DSCAML1: variants seen among roughly 807,000 people sequenced by gnomAD.
DSCAML1 encodes DS cell adhesion molecule like 1.
Under a neutral mutation model 200.5 loss-of-function variants are expected in DSCAML1, and 38 were observed. The observed-to-expected ratio is 0.19, with a 90% CI of 0.15 to 0.25. The LOEUF (loss-of-function observed/expected upper bound fraction) is 0.25, where lower values mean the gene tolerates loss of function less well. DSCAML1 is among the 10% of genes least tolerant of loss of function. The pLI is 1.00. For missense variants in DSCAML1, 2,223 were observed against 2,858.8 expected (o/e 0.78, Z 5.07); for synonymous variants, 1,215 against 1,165.0 (o/e 1.04, Z -0.87).
intron 3 of DSCAML1, among the ~76,000 whole-genome samples, chr11:117,714,907 A>G (rs1228153257): frequency 6.7e-6 from 1 of 149,708 alleles, no homozygotes; most frequent in Admixed American, 6.7e-5. Flanking sequence ...AGGAGGCCCC[A>G]GGCCCCAGCC....
chr11:117,780,663 TC>T lies in DSCAML1; in HGVS notation c.193del (p.Asp65ThrfsTer154). ...GATGTGCGGCACGTCGTAGATGTCG[TC>T]CCCTGTGGCCAGGTACCATCGAAGG... ...AALRWYLATG[D>X]DIYDVPHIRH... is the part of the protein sequence containing the mutation. On this transcript the variant is annotated frameshift_variant, in exon 2 of 33. Transcript: ENST00000651296. LOFTEE classifies it high-confidence loss of function. This position sits in a 1 kb window ranked among gnomAD's most constrained non-coding sequence, Gnocchi z 4.8. 1 of 1,592,330 alleles carries T rather than the reference TC, an allele frequency of 6.3e-7. No individual in the cohort carries two copies. Among genetic ancestry groups the T allele is most frequent in the Admixed American group, 1.8e-5 (1 of 56,880 alleles).
intron 3 of DSCAML1, among the ~76,000 whole-genome samples, chr11:117,744,351 A>C (rs1297074344): frequency 6.6e-6 from 1 of 152,256 alleles, no homozygotes; most frequent in East Asian, 1.9e-4. Context: ...TAGTGCCTCC[A>C]CGACACTTGT....
At chr11:117,799,131 C>G (rs2055633149), upstream of DSCAML1, among the ~76,000 whole-genome samples, 1 of 152,212 alleles carries the variant, frequency 6.6e-6, no homozygotes, top group South Asian at 2.1e-4. Flanking sequence ...AGTCTTCTGT[C>G]TTAGCTCCCA....
chr11:117,518,827 C>T lies in DSCAML1; in HGVS notation c.1214-65G>A. 6.6e-7 allele frequency: 1 copy of T among 1,518,958 alleles called. No individual in the cohort carries two copies. Among genetic ancestry groups the T allele is most frequent in the Non-Finnish European group, 8.8e-7 (1 of 1,140,006 alleles). 94.1% of individuals were successfully genotyped at this position (1,518,958 alleles called of 1,614,324 possible). On this transcript the variant is annotated intron_variant, in intron 6 of 32. Transcript: ENST00000651296. This position sits in a 1 kb window ranked among gnomAD's most constrained non-coding sequence, Gnocchi z 6.3. ...ATGGAGAGACGGTCCCCCCAGCCAC[C>T]CCACCTCAGCAGGGGAGGAGGCAAA...
intron 3 of DSCAML1, among the ~76,000 whole-genome samples, chr11:117,595,579 T>A (rs1395891580): frequency 1.3e-5 from 2 of 152,198 alleles, no homozygotes; most frequent in South Asian, 2.1e-4. Flanking sequence ...ATGGCAGGGA[T>A]AACAGAACAG....
Position 117,431,547 on chromosome 11 carries a change from C to G in DSCAML1, c.5361G>C (p.Leu1787=). 3 of 1,580,470 alleles carry G rather than the reference C, an allele frequency of 1.9e-6. No individual in the cohort carries two copies. Among genetic ancestry groups the G allele is most frequent in the Non-Finnish European group, 1.7e-6 (2 of 1,161,188 alleles). Residue 1787 remains leucine, a synonymous_variant, in exon 31 of 33, where the codon CTG becomes CTC. Transcript: ENST00000651296. ...CCTTAGGCACACCTGTGTCCTGGGA[C>G]AGGCTGGCACTGTAGCTGTCACTCT... The part of the protein sequence containing the change: ...VTESDSYSAS[L]SQDTDKGRNS...
At chr11:117,811,630 C>T (rs916901822) in intron 1 of DSCAML1, among the ~76,000 whole-genome samples, 6 of 152,180 alleles carry the variant, frequency 3.9e-5, no homozygotes, top group Non-Finnish European at 8.8e-5. Context: ...GTCCCATCTG[C>T]GCGGGACCCC....
At chr11:117,766,088 C>T (rs1259655995) in intron 3 of DSCAML1, among the ~76,000 whole-genome samples, 1 of 152,202 alleles carries the variant, frequency 6.6e-6, no homozygotes, top group African/African-American at 2.4e-5. Context: ...CAAACATTGC[C>T]TGGGTGCCTA....
chr11:117,671,655 A>G (rs557369796), intron 3 of DSCAML1, among the ~76,000 whole-genome samples: 1 of 152,320 alleles, frequency 6.6e-6, no homozygotes, highest in African/African-American at 2.4e-5. Context: ...AAATTCTGAG[A>G]AGGTACAAAT....
At chr11:117,775,452 A>C (rs1252405442) in intron 3 of DSCAML1, among the ~76,000 whole-genome samples, 1 of 152,172 alleles carries the variant, frequency 6.6e-6, no homozygotes, top group African/African-American at 2.4e-5. Context: ...ATGGTTTTAC[A>C]AAAGACAGGA....
At chr11:117,682,417 A>C (rs2053327946) in intron 3 of DSCAML1, among the ~76,000 whole-genome samples, 1 of 151,648 alleles carries the variant, frequency 6.6e-6, no homozygotes, top group African/African-American at 2.4e-5. Context: ...TTCTTCCCCT[A>C]CCTCACCTAG....
chr11:117,454,445 C>T (rs2048337439), intron 19 of DSCAML1, among the ~76,000 whole-genome samples: 1 of 152,176 alleles, frequency 6.6e-6, no homozygotes, highest in African/African-American at 2.4e-5. Context: ...TTATTAAACC[C>T]ATCAACTGAG....
At chr11:117,778,405 A>G (rs1394860968) in intron 2 of DSCAML1, among the ~76,000 whole-genome samples, 1 of 152,230 alleles carries the variant, frequency 6.6e-6, no homozygotes, top group East Asian at 1.9e-4. Flanking sequence ...GGGAGTCAGC[A>G]GAGGTTAATG....
intron 3 of DSCAML1, among the ~76,000 whole-genome samples, chr11:117,774,790 G>A (rs993389103): frequency 6.6e-6 from 1 of 152,132 alleles, no homozygotes; most frequent in East Asian, 1.9e-4. Flanking sequence ...ACAGACTCTG[G>A]TTCCAGCCCC....
At chr11:117,464,239 C>G (rs1216980815) in intron 17 of DSCAML1, among the ~76,000 whole-genome samples, 1 of 152,142 alleles carries the variant, frequency 6.6e-6, no homozygotes, top group Non-Finnish European at 1.5e-5. Context: ...CTTCTTTATT[C>G]TGCTCTTTAG....
intron 3 of DSCAML1, among the ~76,000 whole-genome samples, chr11:117,658,809 C>T (rs1308184331): frequency 2.0e-5 from 3 of 152,164 alleles, no homozygotes; most frequent in Admixed American, 6.5e-5. Context: ...TGAAACAAAC[C>T]ACACCTTTCC....
At chr11:117,506,432 G>A (rs1592676855) in intron 8 of DSCAML1, among the ~76,000 whole-genome samples, 1 of 152,006 alleles carries the variant, frequency 6.6e-6, no homozygotes, top group East Asian at 1.9e-4. Context: ...CATAAGATAT[G>A]ACCATGGGAT....
At chr11:117,493,340 CAG>C (rs1379875047) in intron 11 of DSCAML1, among the ~76,000 whole-genome samples, 3 of 145,124 alleles carry the variant, frequency 2.1e-5, no homozygotes, top group Non-Finnish European at 4.5e-5. Flanking sequence ...TTTTTTGAGA[CAG>C]AGTCTCGCTC....
chr11:117,797,032 AC>A lies in DSCAML1; in HGVS notation c.46+1del. 1 of 1,508,268 alleles carries A rather than the reference AC, an allele frequency of 6.6e-7. No homozygotes were observed. Among genetic ancestry groups the A allele is most frequent in the Non-Finnish European group, 8.9e-7 (1 of 1,124,242 alleles). 93.4% of individuals were successfully genotyped at this position (1,508,268 alleles called of 1,614,324 possible). A position where few individuals can be genotyped will look rare whatever the true frequency, so the allele number is the denominator to read the frequency against. ...CCGCCCAGCCGCCCGCGCAGGTCTC[AC>A]CTTTGTGTAAAGAGTCCAGGAGCAG... On this transcript the variant is annotated splice_donor_variant, in intron 1 of 32. Coordinates refer to ENST00000651296, the MANE Select transcript of DSCAML1 (RefSeq NM_020693.4). LOFTEE classifies it high-confidence loss of function.
Sources: gnomAD v4.1 joint callset for allele counts (sites outside exome capture counted in the v4.1 genomes callset) on GRCh38, gnomAD v4.1.1 for gene constraint, Gnocchi (gnomAD v3.1) non-coding constraint, MANE v1.5 for transcripts, NCBI Gene and HGNC (gene_info 2026-07-23, HGNC 2026-07-21) for gene names.